Variants in UGT1A3 observed in about 807,000 individuals in gnomAD.
The protein encoded by UGT1A3 is UDP glucuronosyltransferase family 1 member A3.
A neutral mutation model predicts 41.0 loss-of-function variants in UGT1A3; 31 were observed. The ratio of observed to expected loss-of-function variants is 0.76; its 90% CI spans 0.57 to 1.02. The LOEUF (loss-of-function observed/expected upper bound fraction) is 1.02. Ranked by LOEUF, UGT1A3 falls within the 50% of genes least tolerant of loss-of-function variation. The pLI is 0.00. For synonymous variants in UGT1A3, 262 were observed against 257.6 expected (o/e 1.02, Z -0.17); for missense variants, 737 against 671.0 (o/e 1.10, Z -1.09).
At chr2:233,743,564 G>C (rs772866173) in intron 1 of UGT1A3, 1 of 1,367,272 alleles carries the variant, frequency 7.3e-7, no homozygotes, top group East Asian at 4.6e-5. Flanking sequence ...ATTCTCCAGC[G>C]GGTTTCCCAA....
intron 1 of UGT1A3, among the ~76,000 whole-genome samples, chr2:233,730,871 C>T (rs1197291212): frequency 6.6e-6 from 1 of 152,088 alleles, no homozygotes; most frequent in Non-Finnish European, 1.5e-5. Context: ...TACTGCACTC[C>T]AGGTTTCTAT....
intron 1 of UGT1A3, among the ~76,000 whole-genome samples, chr2:233,732,755 G>GT (rs956485327): frequency 0.043 from 5,191 of 120,064 alleles, 256 homozygotes; most frequent in African/African-American, 0.13. Flanking sequence ...CACCAGCTTT[G>GT]TTTTTTTTTT....
intron 1 of UGT1A3, chr2:233,760,484 T>C: frequency 6.2e-7 from 1 of 1,614,248 alleles, no homozygotes; most frequent in Non-Finnish European, 8.5e-7. Flanking sequence ...GACGCCTCGT[T>C]GTACATCAGA....
At chr2:233,744,789 C>A (rs957843917) in intron 1 of UGT1A3, among the ~76,000 whole-genome samples, 10 of 151,986 alleles carry the variant, frequency 6.6e-5, no homozygotes, top group Admixed American at 2.6e-4. Flanking sequence ...CTGAAAAATT[C>A]TTGGGGATCC....
intron 1 of UGT1A3, among the ~76,000 whole-genome samples, chr2:233,746,975 C>G (rs1401004389): frequency 6.6e-6 from 1 of 151,722 alleles, no homozygotes; most frequent in Non-Finnish European, 1.5e-5. Context: ...TTCCCCAGAG[C>G]GAGCGCAGGG....
chr2:233,767,792 T>C (rs1011366406), intron 2 of UGT1A3, 57 bp from the exon 3 acceptor site: 6 of 1,614,068 alleles, frequency 3.7e-6, no homozygotes, highest in Non-Finnish European at 3.4e-6. Context: ...ATAGCAGATT[T>C]GTTTTCTAAT....
At chr2:233,744,867 G>T (rs1318227544) in intron 1 of UGT1A3, among the ~76,000 whole-genome samples, 4 of 151,860 alleles carry the variant, frequency 2.6e-5, no homozygotes, top group African/African-American at 7.3e-5. Flanking sequence ...ATTCTGAAGG[G>T]ATTAGTTTAG....
chr2:233,755,110 C>T, intron 1 of UGT1A3: 1 of 1,333,642 alleles, frequency 7.5e-7, no homozygotes, highest in Non-Finnish European at 1.0e-6. Flanking sequence ...GACAACACCT[C>T]GTAGGCCTCA....
At chr2:233,767,511 A>G (rs1020159718) in intron 2 of UGT1A3, among the ~76,000 whole-genome samples, 21 of 152,248 alleles carry the variant, frequency 1.4e-4, no homozygotes, top group African/African-American at 3.9e-4. Context: ...GTTGGTTAGA[A>G]CACTGAATTT....
At chr2:233,749,420 T>C (rs1003222005) in intron 1 of UGT1A3, among the ~76,000 whole-genome samples, 1 of 151,886 alleles carries the variant, frequency 6.6e-6, no homozygotes, top group Admixed American at 6.5e-5. Flanking sequence ...ACTACATTGC[T>C]CAAAACTTCA....
chr2:233,751,561 A>T (rs1575707240), intron 1 of UGT1A3, among the ~76,000 whole-genome samples: 1 of 152,202 alleles, frequency 6.6e-6, no homozygotes, highest in African/African-American at 2.4e-5. Flanking sequence ...TCTCATCTCA[A>T]ATTGTAATCT....
At chr2:233,765,607 G>A (rs1299491644) in intron 1 of UGT1A3, among the ~76,000 whole-genome samples, 2 of 151,978 alleles carry the variant, frequency 1.3e-5, no homozygotes, top group African/African-American at 4.8e-5. Context: ...GGCTTGTGGC[G>A]GGGTGAGGGG....
rs768211852 is a variant in UGT1A3 at position 233,729,747 on chromosome 2, C to T, written c.621C>T (p.Phe207=). 3.1e-6 allele frequency: 5 copies of T among 1,614,002 alleles called. No individual in the cohort carries two copies. The South Asian group carries it at 4.4e-5, about 14-fold the overall frequency. ...LLTTNSDHMT[F]MQRVKNMLYP... is the part of the protein sequence containing the mutation. The stretch of plus-strand genomic sequence containing the variant: ...CAACCAATTCAGACCACATGACATT[C>T]ATGCAAAGGGTCAAGAACATGCTCT... The change falls in exon 1 of 5, where the codon TTC becomes TTT. Residue 207 remains phenylalanine (F), a synonymous_variant. Coordinates refer to ENST00000482026, the MANE Select transcript of UGT1A3 (RefSeq NM_019093.4).
rs2126038220 is a variant in UGT1A3, at chr2:233,768,440, G to T, written c.1307+1G>T. ...TAAAAGCAGTCATCAATGACAAAAG[G>T]TAAGAAAGAAGATACAGAAGAATAC... On this transcript the variant is annotated splice_donor_variant, in intron 4 of 4. Coordinates refer to ENST00000482026, the MANE Select transcript of UGT1A3 (RefSeq NM_019093.4). LOFTEE classifies it high-confidence loss of function. 1.2e-6 allele frequency: 2 copies of T among 1,613,446 alleles called. No individual in the cohort carries two copies. Among genetic ancestry groups the T allele is most frequent in the Non-Finnish European group, 1.7e-6 (2 of 1,179,672 alleles).
intron 1 of UGT1A3, chr2:233,761,144 T>A: frequency 6.2e-7 from 1 of 1,614,254 alleles, no homozygotes; most frequent in Non-Finnish European, 8.5e-7. Flanking sequence ...CAAAATCCAC[T>A]ATCCCAGGTG....
intron 1 of UGT1A3, chr2:233,743,958 G>C (rs747210262): frequency 1.5e-6 from 2 of 1,336,694 alleles, no homozygotes; most frequent in Non-Finnish European, 2.0e-6. Flanking sequence ...GGCACAGCGA[G>C]CGGCAAGGCT....
chr2:233,769,877 A>C lies in UGT1A3; in HGVS notation c.1307+1438A>C, dbSNP rs890697630. 4.7e-6 allele frequency: 2 copies of C among 421,450 alleles called. No homozygotes were observed. The highest frequency in any genetic ancestry group is 2.0e-5 in the African/African-American group (1 of 48,974). 26.1% of individuals were successfully genotyped at this position (421,450 alleles called of 1,614,324 possible). A position where few individuals can be genotyped will look rare whatever the true frequency, so the allele number is the denominator to read the frequency against. ...TGTCTCAAAAAAAAAAAAAAAAATG[A>C]AAAGTCCACATAACCTGAGCATCAT... is the stretch of plus-strand genomic sequence containing the variant. On this transcript the variant is annotated intron_variant, in intron 4 of 4. Transcript: ENST00000482026. This position sits in a 1 kb window ranked among gnomAD's most constrained non-coding sequence, Gnocchi z 4.4.
chr2:233,731,109 T>C (rs1417583719), intron 1 of UGT1A3, among the ~76,000 whole-genome samples: 2 of 152,194 alleles, frequency 1.3e-5, no homozygotes, highest in African/African-American at 2.4e-5. Flanking sequence ...TTTTTATAAA[T>C]GTAGGTATTA....
rs1312965874 is a variant in UGT1A3, at chr2:233,729,740, T to G, written c.614T>G (p.Met205Arg). 5.0e-6 allele frequency: 8 copies of G among 1,613,982 alleles called. No individual in the cohort carries two copies. Among genetic ancestry groups the G allele is most frequent in the Non-Finnish European group, 6.8e-6 (8 of 1,179,868 alleles). The stretch of plus-strand genomic sequence containing the variant: ...TTACTAACAACCAATTCAGACCACA[T>G]GACATTCATGCAAAGGGTCAAGAAC... ...PRLLTTNSDH[M>R]TFMQRVKNML... The change falls in exon 1 of 5, where the codon ATG becomes AGG. Residue 205 changes from methionine (M) to arginine (R), a missense_variant. Transcript: ENST00000482026.
Sources: allele counts gnomAD v4.1 joint callset (sites outside exome capture counted in the v4.1 genomes callset), GRCh38; gene constraint gnomAD v4.1.1; non-coding constraint Gnocchi (gnomAD v3.1); transcripts MANE v1.5; gene names NCBI Gene and HGNC (gene_info 2026-07-23, HGNC 2026-07-21).